Variants in GRIA3 observed in about 807,000 individuals in gnomAD.
The protein encoded by GRIA3 is glutamate receptor 3.
A neutral mutation model predicts 63.0 loss-of-function variants in GRIA3; 3 were observed. The observed-to-expected ratio is 0.05, with a 90% CI of 0.02 to 0.12. The LOEUF (loss-of-function observed/expected upper bound fraction) is 0.12, where lower values mean the gene tolerates loss of function less well. Among genes scored for constraint, GRIA3 ranks in the 10% least tolerant of loss-of-function variants. The pLI is 1.00. For missense variants in GRIA3, 347 were observed against 700.9 expected (o/e 0.50, Z 5.70); for synonymous variants, 274 against 257.9 (o/e 1.06, Z -0.60).
chrX:123,186,844 G>A (rs756978528), intron 2 of GRIA3, among the ~76,000 whole-genome samples: 21 of 111,874 alleles, frequency 1.9e-4, no homozygotes, highest in African/African-American at 6.2e-4. Flanking sequence ...GCCCAAAGCC[G>A]GTTCTGAAAT....
At chrX:123,299,739 G>T (rs1369448577) in intron 3 of GRIA3, among the ~76,000 whole-genome samples, 2 of 110,821 alleles carry the variant, frequency 1.8e-5, no homozygotes, top group African/African-American at 6.6e-5. Flanking sequence ...TTGCCTGATT[G>T]CCCTGGCCAG....
At chrX:123,205,531 T>C (rs188101575) in intron 2 of GRIA3, among the ~76,000 whole-genome samples, 1,362 of 111,883 alleles carry the variant, frequency 0.012, 16 homozygotes, top group Non-Finnish European at 0.019. Flanking sequence ...GACAGCATAT[T>C]AGAAATGAAG....
At chrX:123,486,152 GA>G (rs1207483063) in intron 15 of GRIA3, among the ~76,000 whole-genome samples, 1 of 74,360 alleles carries the variant, frequency 1.3e-5, no homozygotes, top group Non-Finnish European at 2.4e-5. Context: ...AGGAAGGAAG[GA>G]AAGAAGAAAG....
chrX:123,253,458 C>G lies in GRIA3; in HGVS notation c.424C>G (p.Arg142Gly). ...DADVQFVIQM[R>G]PALKGAILSL... Reference sequence around the variant, plus strand: ...AGATGTGCAGTTTGTCATCCAGATGCGCCCAGCCTTGAAGGGCGCTATTCT... The same window carrying G: ...AGATGTGCAGTTTGTCATCCAGATGGGCCCAGCCTTGAAGGGCGCTATTCT... Residue 142 changes from arginine to glycine, a missense_variant, in exon 3 of 16, where the codon CGC (arginine) becomes GGC (glycine). Arg to Gly is a moderately radical substitution (Grantham distance 125). Transcript: ENST00000620443. 4 of 1,209,265 alleles carry G rather than the reference C, an allele frequency of 3.3e-6. No homozygotes were observed. The highest frequency in any genetic ancestry group is 4.5e-6 in the Non-Finnish European group (4 of 893,502).
intron 5 of GRIA3, among the ~76,000 whole-genome samples, chrX:123,393,293 G>T (rs943458508): frequency 8.9e-6 from 1 of 112,220 alleles, no homozygotes; most frequent in African/African-American, 3.2e-5. Flanking sequence ...AGAGAAGCAC[G>T]GATGGAGGTG....
At chrX:123,231,995 T>C (rs2044278590) in intron 2 of GRIA3, among the ~76,000 whole-genome samples, 2 of 111,994 alleles carry the variant, frequency 1.8e-5, no homozygotes, top group Admixed American at 9.5e-5. Context: ...ATCAGTGTTT[T>C]ATGCTTCTGG....
intron 3 of GRIA3, among the ~76,000 whole-genome samples, chrX:123,267,123 A>G (rs2044493125): frequency 8.9e-6 from 1 of 112,104 alleles, no homozygotes; most frequent in African/African-American, 3.2e-5. Context: ...CTGGATTATT[A>G]TTATTTGTAA....
At chrX:123,352,154 C>A (rs2045100039) in intron 4 of GRIA3, among the ~76,000 whole-genome samples, 1 of 109,960 alleles carries the variant, frequency 9.1e-6, no homozygotes, top group Non-Finnish European at 1.9e-5. Context: ...GATCTCAGCT[C>A]ACTGCAACCT....
At chrX:123,343,593 CAGAGAGAGAGAG>C (rs746329134) in intron 4 of GRIA3, among the ~76,000 whole-genome samples, 5 of 102,706 alleles carry the variant, frequency 4.9e-5, no homozygotes, top group Non-Finnish European at 1.0e-4. Context: ...GAGAGAAAGA[CAGAGAGAGAGAG>C]AGAGAGAGAG....
rs897678982 is a variant in GRIA3, at chrX:123,365,684, C to T, written c.750+10721C>T. Among the ~76,000 whole-genome samples, 4 of 111,860 alleles carry T rather than the reference C, an allele frequency of 3.6e-5. No individual in the cohort carries two copies. In the Admixed American group the frequency reaches 3.8e-4, roughly 11 times the overall value. On this transcript the variant is annotated intron_variant, in intron 5 of 15. Transcript: ENST00000620443. ...ATAATCTAGGCCAGTGGTTCTCAAA[C>T]CCTCTTGTACTTCAAAATCACCTGT...
At chrX:123,460,778 G>T (rs1053744811) in intron 12 of GRIA3, among the ~76,000 whole-genome samples, 1 of 111,321 alleles carries the variant, frequency 9.0e-6, no homozygotes, top group East Asian at 2.8e-4. Flanking sequence ...AATTCCTTGG[G>T]TAACTAACTA....
At chrX:123,193,735 G>A (rs1927501986) in intron 2 of GRIA3, among the ~76,000 whole-genome samples, 1 of 112,409 alleles carries the variant, frequency 8.9e-6, no homozygotes, top group African/African-American at 3.2e-5. Context: ...TGCACTGAAA[G>A]CCTGTGCCAA....
At chrX:123,358,841 G>A (rs1318433893) in intron 5 of GRIA3, 1 of 111,739 alleles carries the variant, frequency 8.9e-6, no homozygotes, top group Non-Finnish European at 1.9e-5. Context: ...GCATTGTCAG[G>A]CATGTTATGT....
chrX:123,451,761 C>A (rs984392025), intron 12 of GRIA3, among the ~76,000 whole-genome samples: 1 of 108,717 alleles, frequency 9.2e-6, no homozygotes, highest in African/African-American at 3.3e-5. Flanking sequence ...TGATGGAGAA[C>A]CCTAGAGGAG....
intron 12 of GRIA3, among the ~76,000 whole-genome samples, chrX:123,447,470 T>A (rs1379349943): frequency 1.8e-5 from 2 of 111,681 alleles, no homozygotes; most frequent in Non-Finnish European, 3.8e-5. Context: ...AACCAAATAA[T>A]GGTGTGATTT....
intron 11 of GRIA3, 150 bp from the exon 12 acceptor site, chrX:123,427,791 T>C: frequency 2.0e-6 from 1 of 499,332 alleles, no homozygotes; most frequent in Non-Finnish European, 3.5e-6. Flanking sequence ...ATGTGACCTT[T>C]GTTTAATGTT....
intron 2 of GRIA3, among the ~76,000 whole-genome samples, chrX:123,206,546 TAC>T (rs1927892884): frequency 8.9e-6 from 1 of 112,080 alleles, no homozygotes; most frequent in Non-Finnish European, 1.9e-5. Flanking sequence ...TTTAAATTAA[TAC>T]AGAGTCATAC....
intron 3 of GRIA3, among the ~76,000 whole-genome samples, chrX:123,316,049 CG>C (rs1391100914): frequency 1.8e-5 from 2 of 108,169 alleles, no homozygotes; most frequent in Non-Finnish European, 3.8e-5. Context: ...TCGTCATTCA[CG>C]TGATTTTTTG....
chrX:123,355,220 C>T (rs569564577), intron 5 of GRIA3, among the ~76,000 whole-genome samples: 18 of 112,264 alleles, frequency 1.6e-4, no homozygotes, highest in African/African-American at 4.2e-4. Flanking sequence ...GATTCAATTT[C>T]GGTTTGAAAT....
Sources: gnomAD v4.1 joint callset for allele counts (sites outside exome capture counted in the v4.1 genomes callset) on GRCh38, gnomAD v4.1.1 for gene constraint, MANE v1.5 for transcripts, NCBI Gene and HGNC (gene_info 2026-07-23, HGNC 2026-07-21) for gene names.